Variants in ELMO3 observed in about 807,000 individuals in gnomAD.
ELMO3 encodes the protein engulfment and cell motility 3, also known as engulfment and cell motility protein 3.
Under a neutral mutation model 89.0 loss-of-function variants are expected in ELMO3, and 81 were observed. That is an observed-to-expected ratio of 0.91 (90% CI 0.76 to 1.09). The LOEUF (loss-of-function observed/expected upper bound fraction) is 1.09. Ranked by LOEUF, ELMO3 falls within the 50% of genes least tolerant of loss-of-function variation. The pLI is 0.00. For synonymous variants in ELMO3, 406 were observed against 400.6 expected (o/e 1.01, Z -0.16); for missense variants, 959 against 972.8 (o/e 0.99, Z 0.19).
chr16:67,202,435 G>C lies in ELMO3; in HGVS notation c.1300G>C (p.Gly434Arg), dbSNP rs201015151. The C allele has an allele frequency of 1.2e-6, 2 of 1,613,828 alleles. No homozygotes were observed. Among genetic ancestry groups the C allele is most frequent in the East Asian group, 2.2e-5 (1 of 44,884 alleles). ...TAQDFSPMFFGQDQSFHELFC... is the reference protein window; with the variant it reads ...TAQDFSPMFFRQDQSFHELFC... ...CCAGGACTTCTCACCCATGTTCTTC[G>C]GCCAAGACCAGAGCTTCCACGAGCT... Residue 434 changes from glycine (G) to arginine (R), a missense_variant, in exon 14 of 20, where the codon GGC (glycine) becomes CGC (arginine). Physicochemically the swap from Gly to Arg is moderately radical, Grantham distance 125. Coordinates refer to ENST00000393997, the MANE Select transcript of ELMO3 (RefSeq NM_024712.5).
rs1477079426 is a variant in ELMO3 at position 67,203,832 on chromosome 16, CA to C, written c.2119del (p.Thr707ProfsTer31). The C allele has an allele frequency of 6.2e-7, 1 of 1,603,994 alleles. No homozygotes were observed. Among genetic ancestry groups the C allele is most frequent in the Non-Finnish European group, 8.5e-7 (1 of 1,174,974 alleles). On this transcript the variant is annotated frameshift_variant, in exon 20 of 20. Coordinates refer to ENST00000393997, the MANE Select transcript of ELMO3 (RefSeq NM_024712.5). LOFTEE classifies it high-confidence loss of function. This position sits in a 1 kb window ranked among gnomAD's most constrained non-coding sequence, Gnocchi z 4.6. ...ERPPPVPPPP[T>X]NFNFCYDCSI... ...GGCCACCCCCTGTGCCCCCACCCCCCACCAACTTCAACTTCTGCTATGACTG... is the reference window on the plus strand; with the variant it reads ...GGCCACCCCCTGTGCCCCCACCCCCCCCAACTTCAACTTCTGCTATGACTG...
chr16:67,199,846 G>A, intron 3 of ELMO3, 90 bp downstream of exon 3: 9 of 1,602,330 alleles, frequency 5.6e-6, no homozygotes, highest in South Asian at 1.1e-5. Flanking sequence ...TCCCACTACC[G>A]GAGCGCGATC....
chr16:67,201,133 C>T (rs1286418657), intron 8 of ELMO3, among the ~76,000 whole-genome samples, 165 bp downstream of exon 8: 2 of 151,472 alleles, frequency 1.3e-5, no homozygotes, highest in Non-Finnish European at 2.9e-5. Context: ...GCAAGCTCTG[C>T]CTCCCGGGTT....
In ELMO3 at chr16:67,199,287, G is replaced by A. The variant is rs201480060; in HGVS notation, c.-40G>A. 5.6e-6 allele frequency: 9 copies of A among 1,612,362 alleles called. No individual in the cohort carries two copies. Among genetic ancestry groups the A allele is most frequent in the South Asian group, 1.1e-5 (1 of 91,054 alleles). On this transcript the variant is annotated 5_prime_UTR_variant, in exon 1 of 20. Coordinates refer to ENST00000393997, the MANE Select transcript of ELMO3 (RefSeq NM_024712.5). Reference sequence around the variant, plus strand: ...GGTGCACCCTTGGCCGCAGGTGCACGGTCTCCGGAAAGTGCAGGCGCCCAC... The same window carrying A: ...GGTGCACCCTTGGCCGCAGGTGCACAGTCTCCGGAAAGTGCAGGCGCCCAC...
Position 67,201,763 on chromosome 16 carries a change from G to A in ELMO3, c.940G>A (p.Val314Ile). Reference protein sequence around the residue: ...YSQEQREQLQVLRQAAFEVEG... With the variant: ...YSQEQREQLQILRQAAFEVEG... ...CCAGGAGCAGCGGGAGCAGCTGCAG[G>A]TCCTACGCCAGGCTGCCTTCGAGGT... Residue 314 changes from valine to isoleucine, a missense_variant, in exon 11 of 20, where the codon GTC becomes ATC. Coordinates refer to ENST00000393997, the MANE Select transcript of ELMO3 (RefSeq NM_024712.5). 6.2e-7 allele frequency: 1 copy of A among 1,610,980 alleles called. No homozygotes were observed. The highest frequency in any genetic ancestry group is 8.5e-7 in the Non-Finnish European group (1 of 1,180,010).
chr16:67,201,956 G>A, intron 11 of ELMO3, 21 bp from the exon 12 acceptor site: 3 of 1,611,306 alleles, frequency 1.9e-6, no homozygotes, highest in Non-Finnish European at 2.5e-6. Flanking sequence ...TTCTTGAACT[G>A]CCTGTGCCCA....
Position 67,202,289 on chromosome 16 carries a change from G to A in ELMO3, c.1261+5G>A, listed in dbSNP as rs2033133803. On this transcript the variant is annotated splice_donor_5th_base_variant and intron_variant, in intron 13 of 19. Coordinates refer to ENST00000393997, the MANE Select transcript of ELMO3 (RefSeq NM_024712.5). ...TGCTCCGTGTTGGGGAGCCCTGTGA[G>A]TGGCCTGGACTGGGCACAGCATGGC... The A allele has an allele frequency of 6.2e-7, 1 of 1,609,786 alleles. No individual in the cohort carries two copies. The highest frequency in any genetic ancestry group is 1.3e-5 in the African/African-American group (1 of 74,886).
rs745328607 is a variant in ELMO3, at chr16:67,200,743, C to T, written c.600C>T (p.Ser200=). 3.1e-6 allele frequency: 5 copies of T among 1,613,540 alleles called. No individual in the cohort carries two copies. Among genetic ancestry groups the T allele is most frequent in the African/African-American group, 1.3e-5 (1 of 74,914 alleles). ...TGCTGGAGAGTGTGACCTTGAGCAGCCCAGCCCTGGGCCAGCTGGTCAAGA... is the reference window on the plus strand; with the variant it reads ...TGCTGGAGAGTGTGACCTTGAGCAGTCCAGCCCTGGGCCAGCTGGTCAAGA... ...LGLLESVTLS[S]PALGQLVKSE... Residue 200 remains serine (S), a synonymous_variant, in exon 7 of 20, where the codon AGC becomes AGT. Transcript: ENST00000393997.
At position 67,203,239 on chromosome 16, in the gene ELMO3, G is replaced by T; in HGVS notation, c.1780+16G>T. On this transcript the variant is annotated intron_variant, in intron 17 of 19. Coordinates refer to ENST00000393997, the MANE Select transcript of ELMO3 (RefSeq NM_024712.5). The surrounding 1 kb of genome is among the most constrained non-coding windows in gnomAD (Gnocchi z 4.6). ...CCCGAGCAACGTAAGGCGGGCAGGG[G>T]CGGGGGCCAGATACCTGCTCTCCCC... The T allele has an allele frequency of 6.3e-7, 1 of 1,598,804 alleles. No homozygotes were observed. Among genetic ancestry groups the T allele is most frequent in the Non-Finnish European group, 8.5e-7 (1 of 1,176,292 alleles).
rs1597278580 is a variant in ELMO3 at position 67,199,298 on chromosome 16, A to C, written c.-29A>C. Reference sequence around the variant, plus strand: ...GGCCGCAGGTGCACGGTCTCCGGAAAGTGCAGGCGCCCACGTCCCAGCTGG... The same window carrying C: ...GGCCGCAGGTGCACGGTCTCCGGAACGTGCAGGCGCCCACGTCCCAGCTGG... On this transcript the variant is annotated 5_prime_UTR_variant, in exon 1 of 20. Transcript: ENST00000393997. 1 of 1,612,472 alleles carries C rather than the reference A, an allele frequency of 6.2e-7. No homozygotes were observed. The highest frequency in any genetic ancestry group is 8.5e-7 in the Non-Finnish European group (1 of 1,179,858).
At chr16:67,201,001 CACCCGGTGGGCGCT>C in intron 8 of ELMO3, 33 bp downstream of exon 8, 2 of 1,572,414 alleles carry the variant, frequency 1.3e-6, no homozygotes, top group Non-Finnish European at 1.7e-6. Context: ...ATGGGGGCAG[CACCCGGTGGGCGCT>C]GCCCCACCCT....
chr16:67,203,513 C>G lies in ELMO3; in HGVS notation c.1880C>G (p.Ala627Gly). ...GKQNKDLYEL[A>G]FSISYDRGEE... is the part of the protein sequence containing the mutation. Reference sequence around the variant, plus strand: ...CTTCCCCAGGACCTCTATGAGTTGGCCTTCTCAATCAGCTATGACCGTGGG... The same window carrying G: ...CTTCCCCAGGACCTCTATGAGTTGGGCTTCTCAATCAGCTATGACCGTGGG... The change falls in exon 19 of 20, where the codon GCC becomes GGC. Residue 627 changes from alanine (A) to glycine (G), a missense_variant. Physicochemically the swap from Ala to Gly is moderately conservative, Grantham distance 60. Transcript: ENST00000393997. This position sits in a 1 kb window ranked among gnomAD's most constrained non-coding sequence, Gnocchi z 4.6. 3 of 1,570,464 alleles carry G rather than the reference C, an allele frequency of 1.9e-6. No individual in the cohort carries two copies. Among genetic ancestry groups the G allele is most frequent in the Non-Finnish European group, 2.6e-6 (3 of 1,154,492 alleles).
At position 67,203,469 on chromosome 16, in the gene ELMO3, C is replaced by T. The variant is rs763116241; in HGVS notation, c.1864-28C>T. On this transcript the variant is annotated intron_variant, in intron 18 of 19. Transcript: ENST00000393997. The surrounding 1 kb of genome is among the most constrained non-coding windows in gnomAD (Gnocchi z 4.6). ...GCCCCCGCCTACCCTGTCCCCTGCT[C>T]AGTGTCCCCGCTCCCTTGCTTCCCC... is the stretch of plus-strand genomic sequence containing the variant. 3 of 1,610,846 alleles carry T rather than the reference C, an allele frequency of 1.9e-6. No homozygotes were observed. The highest frequency in any genetic ancestry group is 2.2e-5 in the East Asian group (1 of 44,816).
At chr16:67,199,639 G>A (rs1354250945) in intron 2 of ELMO3, 45 bp from the exon 3 acceptor site, 1 of 1,608,022 alleles carries the variant, frequency 6.2e-7, no homozygotes, top group South Asian at 1.1e-5. Context: ...GAGGGCAGGA[G>A]GGGCGGCGCC....
Position 67,199,238 on chromosome 16 carries a change from C to G in ELMO3, c.-89C>G. 6.2e-7 allele frequency: 1 copy of G among 1,611,404 alleles called. No individual in the cohort carries two copies. The highest frequency in any genetic ancestry group is 8.5e-7 in the Non-Finnish European group (1 of 1,179,452). On this transcript the variant is annotated 5_prime_UTR_variant, in exon 1 of 20. Coordinates refer to ENST00000393997, the MANE Select transcript of ELMO3 (RefSeq NM_024712.5). The stretch of plus-strand genomic sequence containing the variant: ...TCAGGTCTCGGAAAGGGAGGACCTC[C>G]TCGTCCCCAGGGGCCCCAGGCCAGG...
Position 67,203,594 on chromosome 16 carries a change from G to A in ELMO3, c.1950+11G>A, listed in dbSNP as rs367674316. ...CCCTCCAAGCGGGAGGTGAGTGTCCGCCAGGCTGAGGTCGGCAGGTGGGCA... is the reference window on the plus strand; with the variant it reads ...CCCTCCAAGCGGGAGGTGAGTGTCCACCAGGCTGAGGTCGGCAGGTGGGCA... On this transcript the variant is annotated intron_variant, in intron 19 of 19. Transcript: ENST00000393997. This position sits in a 1 kb window ranked among gnomAD's most constrained non-coding sequence, Gnocchi z 4.6. 15 of 1,613,880 alleles carry A rather than the reference G, an allele frequency of 9.3e-6. 1 individual carries two copies. Among genetic ancestry groups the A allele is most frequent in the East Asian group, 6.7e-5 (3 of 44,888 alleles).
rs2033060010 is a variant in ELMO3 at position 67,199,970 on chromosome 16, A to T, written c.212A>T (p.Asn71Ile). The change falls in exon 4 of 20, where the codon AAT (asparagine) becomes ATT (isoleucine). Residue 71 changes from asparagine (N) to isoleucine (I), a missense_variant. Transcript: ENST00000393997. Reference sequence around the variant, plus strand: ...CTCCAGAACCGCGCGGAGATCAAGAATGGCAGCATCCTGTGCCTCAGCACG... The same window carrying T: ...CTCCAGAACCGCGCGGAGATCAAGATTGGCAGCATCCTGTGCCTCAGCACG... Reference protein sequence around the residue: ...ITENNRAEIKNGSILCLSTAP... With the variant: ...ITENNRAEIKIGSILCLSTAP... 1 of 1,613,806 alleles carries T rather than the reference A, an allele frequency of 6.2e-7. No homozygotes were observed. The highest frequency in any genetic ancestry group is 8.5e-7 in the Non-Finnish European group (1 of 1,180,014).
Position 67,202,519 on chromosome 16 carries a change from G to A in ELMO3, c.1384G>A (p.Glu462Lys), listed in dbSNP as rs1432559029. The change falls in exon 14 of 20, where the codon GAG becomes AAG. Residue 462 changes from glutamate to lysine, a missense_variant. Coordinates refer to ENST00000393997, the MANE Select transcript of ELMO3 (RefSeq NM_024712.5). ...CTGGAAGGAGATGCGGGCTACACAG[G>A]AGGACTTCGACAAGGTGGGTGGGGT... ...KTWKEMRATQ[E>K]DFDKVMQVVR... 1 of 1,612,406 alleles carries A rather than the reference G, an allele frequency of 6.2e-7. No individual in the cohort carries two copies. The highest frequency in any genetic ancestry group is 8.5e-7 in the Non-Finnish European group (1 of 1,179,980).
In ELMO3 at chr16:67,200,480, G is replaced by A; in HGVS notation, c.443G>A (p.Arg148Lys). 1 of 1,613,518 alleles carries A rather than the reference G, an allele frequency of 6.2e-7. No individual in the cohort carries two copies. The change falls in exon 6 of 20, where the codon AGG becomes AAG. Residue 148 changes from arginine (R) to lysine (K), a missense_variant. By Grantham distance (26) the Arg-to-Lys change is conservative. Coordinates refer to ENST00000393997, the MANE Select transcript of ELMO3 (RefSeq NM_024712.5). ...GGAGAGGTGCTGGCCCTCAGCCTGA[G>A]GGCCTTCTCAGAGCTCATGGAGCAC... The part of the protein sequence containing the change: ...DLGEVLALSL[R>K]AFSELMEHGV...
Sources: gnomAD v4.1 joint callset for allele counts (sites outside exome capture counted in the v4.1 genomes callset) on GRCh38, gnomAD v4.1.1 for gene constraint, Gnocchi (gnomAD v3.1) non-coding constraint, MANE v1.5 for transcripts, NCBI Gene and HGNC (gene_info 2026-07-23, HGNC 2026-07-21) for gene names.